CDK14: variants seen among roughly 807,000 people sequenced by gnomAD.
CDK14 encodes the protein cyclin dependent kinase 14, also known as cyclin-dependent kinase 14.
A neutral mutation model predicts 60.7 loss-of-function variants in CDK14; 34 were observed. The ratio of observed to expected loss-of-function variants is 0.56; its 90% CI spans 0.43 to 0.75. The LOEUF is 0.75. Ranked by LOEUF, CDK14 falls within the 30% of genes least tolerant of loss-of-function variation. The pLI is 0.00. For missense variants in CDK14, 482 were observed against 564.1 expected, an observed-to-expected ratio of 0.85 and a Z score of 1.47; for synonymous variants, 197 against 203.7, an observed-to-expected ratio of 0.97 and a Z score of 0.28.
At chr7:91,187,030 T>C (rs1197652819) in intron 14 of CDK14, among the ~76,000 whole-genome samples, 1 of 152,242 alleles carries the variant, frequency 6.6e-6, no homozygotes, top group Non-Finnish European at 1.5e-5. Context: ...TGGTTGAGAA[T>C]AGTTAAATTA....
intron 10 of CDK14, among the ~76,000 whole-genome samples, chr7:90,996,941 C>G (rs1278222107): frequency 6.6e-6 from 1 of 152,142 alleles, no homozygotes; most frequent in Non-Finnish European, 1.5e-5. Context: ...GGTAAAGATG[C>G]AAGAATTGGT....
intron 6 of CDK14, among the ~76,000 whole-genome samples, chr7:90,886,880 A>T (rs533370382): frequency 6.6e-6 from 1 of 152,278 alleles, no homozygotes; most frequent in Non-Finnish European, 1.5e-5. Context: ...GATTAAGTAC[A>T]TTTTCTTTAT....
chr7:90,763,406 G>A (rs1406384260), intron 4 of CDK14, among the ~76,000 whole-genome samples: 4 of 152,242 alleles, frequency 2.6e-5, no homozygotes, highest in Non-Finnish European at 4.4e-5. Flanking sequence ...AGATCCAAGC[G>A]TAGGGGCCAT....
intron 5 of CDK14, among the ~76,000 whole-genome samples, chr7:90,824,163 G>A (rs1789641100): frequency 1.3e-5 from 2 of 152,138 alleles, no homozygotes; most frequent in South Asian, 2.1e-4. Context: ...AATGACAATA[G>A]ACAATGTTGA....
chr7:90,806,329 G>A (rs2117021723), intron 5 of CDK14, among the ~76,000 whole-genome samples: 1 of 151,870 alleles, frequency 6.6e-6, no homozygotes, highest in Non-Finnish European at 1.5e-5. Context: ...GAAAAGACAA[G>A]TCACAAATTG....
intron 2 of CDK14, among the ~76,000 whole-genome samples, chr7:90,626,926 GAGACCCT>G (rs1799887752): frequency 4.6e-5 from 7 of 151,286 alleles, no homozygotes; most frequent in Non-Finnish European, 8.8e-5. Flanking sequence ...GTGATAGAAT[GAGACCCT>G]GTCTCAAAAA....
At chr7:91,117,760 A>G (rs1420053888) in intron 13 of CDK14, among the ~76,000 whole-genome samples, 1 of 152,148 alleles carries the variant, frequency 6.6e-6, no homozygotes, top group Non-Finnish European at 1.5e-5. Context: ...TTTCCAATGA[A>G]TGAGAGAATG....
At chr7:90,980,151 G>C (rs1584193836) in intron 9 of CDK14, among the ~76,000 whole-genome samples, 1 of 152,160 alleles carries the variant, frequency 6.6e-6, no homozygotes, top group African/African-American at 2.4e-5. Context: ...GGGAAATGTT[G>C]AGTTCAAAAA....
At chr7:90,638,978 C>T (rs1274398214) in intron 2 of CDK14, among the ~76,000 whole-genome samples, 1 of 152,148 alleles carries the variant, frequency 6.6e-6, no homozygotes, top group East Asian at 1.9e-4. Flanking sequence ...GCTTTCAGGT[C>T]CATCAGCTCC....
chr7:90,972,515 C>T (rs934068241), intron 9 of CDK14, among the ~76,000 whole-genome samples: 1 of 152,142 alleles, frequency 6.6e-6, no homozygotes, highest in Non-Finnish European at 1.5e-5. Context: ...TATATACATT[C>T]CTTCAGAGAA....
At chr7:91,154,694 T>C (rs1487756888) in intron 14 of CDK14, among the ~76,000 whole-genome samples, 1 of 152,174 alleles carries the variant, frequency 6.6e-6, no homozygotes, top group East Asian at 1.9e-4. Flanking sequence ...TGTAATGAGA[T>C]AATTCATTTG....
intron 9 of CDK14, among the ~76,000 whole-genome samples, chr7:90,966,149 A>G (rs1434954477): frequency 6.6e-6 from 1 of 152,114 alleles, no homozygotes. Flanking sequence ...TTACTTTGAT[A>G]TTGGAACTCC....
intron 6 of CDK14, among the ~76,000 whole-genome samples, chr7:90,869,331 A>G (rs918476593): frequency 1.6e-4 from 24 of 152,208 alleles, no homozygotes; most frequent in African/African-American, 5.5e-4. Context: ...GGAGATGCAC[A>G]TATTTTTAGA....
At position 91,208,775 on chromosome 7, in the gene CDK14, G is replaced by T. The variant is rs1307572263; in HGVS notation, c.*1639G>T. 6.6e-6 allele frequency: 1 copy of T among 152,590 alleles called. No individual in the cohort carries two copies. Among genetic ancestry groups the T allele is most frequent in the African/African-American group, 2.4e-5 (1 of 41,450 alleles). The allele number at this position is 152,590 out of a possible 1,614,324, so 9.5% of individuals were successfully genotyped here. On this transcript the variant is annotated 3_prime_UTR_variant, in exon 15 of 15. Coordinates refer to ENST00000380050, the MANE Select transcript of CDK14 (RefSeq NM_001287135.2). ...AAAATGGTACTGTCTGCGGAGTGGA[G>T]TATGGATGGTTATGTCAAAGTCATA... is the stretch of plus-strand genomic sequence containing the variant.
At chr7:91,015,521 G>GTTTTTTTTTTT (rs10710645) in intron 10 of CDK14, among the ~76,000 whole-genome samples, 3 of 77,680 alleles carry the variant, frequency 3.9e-5, no homozygotes, top group African/African-American at 5.2e-5. Flanking sequence ...TATGTCTTGG[G>GTTTTTTTTTTT]TTTTTTTTTT....
intron 1 of CDK14, 41 bp downstream of exon 1, chr7:90,596,759 C>A (rs774023208): frequency 6.6e-7 from 1 of 1,523,490 alleles, no homozygotes; most frequent in South Asian, 1.1e-5. Flanking sequence ...GCGCCCGCTC[C>A]CCTCGGCCTG....
intron 13 of CDK14, among the ~76,000 whole-genome samples, chr7:91,113,749 G>A (rs960010789): frequency 2.0e-5 from 3 of 151,870 alleles, no homozygotes; most frequent in Non-Finnish European, 4.4e-5. Context: ...CTCCTTGATG[G>A]CAATAACCCT....
At chr7:91,013,320 C>G (rs1452043471) in intron 10 of CDK14, among the ~76,000 whole-genome samples, 1 of 151,800 alleles carries the variant, frequency 6.6e-6, no homozygotes, top group Non-Finnish European at 1.5e-5. Flanking sequence ...TCACTTTCTA[C>G]TTTGAGTTCT....
rs145814561 is a variant in CDK14, at chr7:90,809,423, C to T, written c.544+18771C>T. On this transcript the variant is annotated intron_variant, in intron 5 of 14. Transcript: ENST00000380050. The stretch of plus-strand genomic sequence containing the variant: ...AAATAAAGATGTTCTTTGAAACCAA[C>T]GAGAACAAAGACACTACATACCAAA... Among the ~76,000 whole-genome samples, 864 of 152,072 alleles carry T rather than the reference C, an allele frequency of 5.7e-3. 3 individuals are homozygous for T. Among genetic ancestry groups the T allele is most frequent in the Non-Finnish European group, 9.7e-3 (659 of 67,978 alleles).
Sources: gnomAD v4.1 joint callset for allele counts (sites outside exome capture counted in the v4.1 genomes callset) on GRCh38, gnomAD v4.1.1 for gene constraint, MANE v1.5 for transcripts, NCBI Gene and HGNC (gene_info 2026-07-23, HGNC 2026-07-21) for gene names.